SLC16A7: variants seen among roughly 807,000 people sequenced by gnomAD.
The protein encoded by SLC16A7 is solute carrier family 16 member 7, also known as monocarboxylate transporter 2.
In SLC16A7, 33 loss-of-function variants were observed where a neutral mutation model predicts 34.9. That is an observed-to-expected ratio of 0.94 (90% CI 0.72 to 1.26). The LOEUF is 1.26. Ranked by LOEUF, SLC16A7 falls within the 50% of genes most tolerant of loss-of-function variation. SLC16A7 has a pLI of 0.00. For synonymous variants in SLC16A7, 201 were observed against 206.6 expected (o/e 0.97, Z 0.23); for missense variants, 573 against 578.1 (o/e 0.99, Z 0.09).
intron 4 of SLC16A7, among the ~76,000 whole-genome samples, chr12:59,773,679 C>T (rs1202650566): frequency 6.6e-6 from 1 of 151,996 alleles, no homozygotes; most frequent in Non-Finnish European, 1.5e-5. Context: ...ATTCTCTTGC[C>T]TCAGCCTACC....
intron 3 of SLC16A7, among the ~76,000 whole-genome samples, chr12:59,741,557 A>G (rs553159098): frequency 7.0e-4 from 106 of 152,302 alleles, no homozygotes; most frequent in Admixed American, 3.0e-3. Context: ...AATGAAAAGC[A>G]AGTTATCGTA....
chr12:59,746,757 G>A (rs1878937239), intron 3 of SLC16A7, among the ~76,000 whole-genome samples: 1 of 152,218 alleles, frequency 6.6e-6, no homozygotes, highest in African/African-American at 2.4e-5. Context: ...ATTTATGGAT[G>A]AGGATGTCCT....
chr12:59,620,362 A>C (rs906856997), intron 1 of SLC16A7, among the ~76,000 whole-genome samples: 4 of 151,988 alleles, frequency 2.6e-5, no homozygotes, highest in African/African-American at 7.2e-5. Flanking sequence ...CCTCTGAAAA[A>C]AAAATTTACA....
chr12:59,615,972 T>G (rs1186332936), intron 1 of SLC16A7, among the ~76,000 whole-genome samples: 1 of 152,200 alleles, frequency 6.6e-6, no homozygotes, highest in Non-Finnish European at 1.5e-5. Flanking sequence ...TGGTGACTGT[T>G]CCCTGTAATG....
At chr12:59,768,511 A>C (rs1881903764) in intron 3 of SLC16A7, among the ~76,000 whole-genome samples, 1 of 152,164 alleles carries the variant, frequency 6.6e-6, no homozygotes, top group African/African-American at 2.4e-5. Flanking sequence ...TATATTGTTG[A>C]TATAACTACA....
intron 1 of SLC16A7, among the ~76,000 whole-genome samples, chr12:59,633,974 A>G (rs981824190): frequency 6.6e-6 from 1 of 152,102 alleles, no homozygotes; most frequent in Admixed American, 6.6e-5. Context: ...TCTGCCAGGC[A>G]GGCATTGTGC....
rs1199008213 is a variant in SLC16A7, at chr12:59,784,774, A to G, written c.*5095A>G. On this transcript the variant is annotated 3_prime_UTR_variant, in exon 6 of 6. Transcript: ENST00000547379. Reference sequence around the variant, plus strand: ...CACATATTTATAATTACATACACATATAATTGAATATGATTTTAGAGTCTT... The same window carrying G: ...CACATATTTATAATTACATACACATGTAATTGAATATGATTTTAGAGTCTT... The G allele has an allele frequency of 2.6e-5, 4 of 152,210 alleles. No individual in the cohort carries two copies. The highest frequency in any genetic ancestry group is 4.4e-5 in the Non-Finnish European group (3 of 68,034). The allele number at this position is 152,210 out of a possible 1,614,324, so 9.4% of individuals were successfully genotyped here.
chr12:59,683,344 T>C (rs1039784359), intron 2 of SLC16A7, among the ~76,000 whole-genome samples: 1 of 152,176 alleles, frequency 6.6e-6, no homozygotes, highest in Non-Finnish European at 1.5e-5. Flanking sequence ...GTTGCGAGAT[T>C]AATCCTGCTA....
intron 2 of SLC16A7, among the ~76,000 whole-genome samples, chr12:59,696,152 GT>G (rs924698814): frequency 6.6e-6 from 1 of 150,786 alleles, no homozygotes; most frequent in Non-Finnish European, 1.5e-5. Flanking sequence ...GTAATCTACT[GT>G]TTTTTTCAAC....
intron 3 of SLC16A7, among the ~76,000 whole-genome samples, chr12:59,711,413 G>T (rs897810078): frequency 2.6e-5 from 4 of 152,154 alleles, no homozygotes; most frequent in African/African-American, 9.7e-5. Context: ...TGCATAGATA[G>T]GTTACATGTC....
In SLC16A7 at chr12:59,781,855, G is replaced by A. The variant is rs919551571; in HGVS notation, c.*2176G>A. 2.6e-5 allele frequency: 4 copies of A among 151,984 alleles called. No homozygotes were observed. Among genetic ancestry groups the A allele is most frequent in the Non-Finnish European group, 5.9e-5 (4 of 67,988 alleles). The allele number at this position is 151,984 out of a possible 1,614,324, so 9.4% of individuals were successfully genotyped here. The stretch of plus-strand genomic sequence containing the variant: ...ACTAATATGAACATCAGATACCAGG[G>A]GGAAATAAATGGCAAAGTAATAATC... On this transcript the variant is annotated 3_prime_UTR_variant, in exon 6 of 6. Transcript: ENST00000547379.
intron 2 of SLC16A7, among the ~76,000 whole-genome samples, chr12:59,671,890 TACATATGTATATATAC>T (rs1333516036): frequency 1.1e-4 from 14 of 131,582 alleles, no homozygotes; most frequent in Non-Finnish European, 1.3e-4. Flanking sequence ...TGTATATATG[TACATATGTATATATAC>T]ATATATGTAT....
chr12:59,789,728 C>T lies in SLC16A7; in HGVS notation c.*10049C>T, dbSNP rs1023783096. The T allele has an allele frequency of 1.3e-4, 20 of 152,050 alleles. No homozygotes were observed. The highest frequency in any genetic ancestry group is 3.9e-4 in the African/African-American group (16 of 41,420). The allele number at this position is 152,050 out of a possible 1,614,324, so 9.4% of individuals were successfully genotyped here. ...GTTTCTTACTTATCACTAATTTTTA[C>T]TGCAGGTCTGTGCTGTTTCTTAGAA... is the stretch of plus-strand genomic sequence containing the variant. On this transcript the variant is annotated 3_prime_UTR_variant, in exon 6 of 6. Transcript: ENST00000547379.
At chr12:59,674,797 T>C (rs1211469321) in intron 2 of SLC16A7, among the ~76,000 whole-genome samples, 1 of 152,206 alleles carries the variant, frequency 6.6e-6, no homozygotes, top group Non-Finnish European at 1.5e-5. Flanking sequence ...ACAGTCAAGA[T>C]AGAAGTCATG....
intron 3 of SLC16A7, among the ~76,000 whole-genome samples, chr12:59,755,601 A>G (rs1880219652): frequency 6.6e-6 from 1 of 152,198 alleles, no homozygotes; most frequent in Non-Finnish European, 1.5e-5. Context: ...TCAATGAAAT[A>G]AAAGAGGATA....
intron 4 of SLC16A7, among the ~76,000 whole-genome samples, chr12:59,771,888 T>C (rs1436914823): frequency 6.6e-6 from 1 of 152,156 alleles, no homozygotes; most frequent in Non-Finnish European, 1.5e-5. Context: ...TTCTTTTTCT[T>C]ACTGAAATGA....
At chr12:59,740,653 GA>G (rs565172570) in intron 3 of SLC16A7, among the ~76,000 whole-genome samples, 368 of 152,270 alleles carry the variant, frequency 2.4e-3, no homozygotes, top group African/African-American at 8.1e-3. Flanking sequence ...ACTGGCACAA[GA>G]CAGGGATGCC....
chr12:59,647,197 G>A (rs1424020001), intron 1 of SLC16A7, among the ~76,000 whole-genome samples: 1 of 152,066 alleles, frequency 6.6e-6, no homozygotes, highest in African/African-American at 2.4e-5. Context: ...GAATGATATG[G>A]TTGGCTGTGT....
chr12:59,751,834 C>A (rs1879612734), intron 3 of SLC16A7, among the ~76,000 whole-genome samples: 1 of 152,206 alleles, frequency 6.6e-6, no homozygotes, highest in Admixed American at 6.5e-5. Flanking sequence ...GACCCCCGAG[C>A]AGCCTAACTG....
Sources: gnomAD v4.1 joint callset for allele counts (sites outside exome capture counted in the v4.1 genomes callset) on GRCh38, gnomAD v4.1.1 for gene constraint, MANE v1.5 for transcripts, NCBI Gene and HGNC (gene_info 2026-07-23, HGNC 2026-07-21) for gene names.